MNAT1: variants seen among roughly 807,000 people sequenced by gnomAD.
MNAT1 encodes the protein CDK-activating kinase assembly factor MAT1.
MNAT1 carries 43 observed loss-of-function variants against 42.0 expected under a neutral mutation model. The ratio of observed to expected loss-of-function variants is 1.02; its 90% CI spans 0.80 to 1.32. MNAT1 has a LOEUF of 1.32. MNAT1 is among the 40% of genes most tolerant of loss of function. The pLI, the probability that MNAT1 is intolerant of heterozygous loss-of-function variation, is 0.00. For synonymous variants in MNAT1, 118 were observed against 120.0 expected (o/e 0.98, Z 0.11); for missense variants, 306 against 350.4 (o/e 0.87, Z 1.01).
chr14:60,834,691 A>G (rs1481837418), intron 6 of MNAT1, among the ~76,000 whole-genome samples: 3 of 152,164 alleles, frequency 2.0e-5, no homozygotes, highest in African/African-American at 7.2e-5. Context: ...CTCTAGAGCT[A>G]GTTCAAGTCC....
chr14:60,780,373 C>T (rs2031414207), intron 1 of MNAT1: 4 of 1,574,586 alleles, frequency 2.5e-6, no homozygotes, highest in African/African-American at 2.7e-5. Context: ...GTTCAGTCAT[C>T]AGACAGATCA....
intron 1 of MNAT1, among the ~76,000 whole-genome samples, chr14:60,739,488 T>G (rs1333717707): frequency 1.4e-4 from 21 of 152,056 alleles, no homozygotes; most frequent in Admixed American, 1.4e-3. Flanking sequence ...TATAGGGTTA[T>G]GGAAAAATTA....
intron 6 of MNAT1, among the ~76,000 whole-genome samples, chr14:60,839,845 C>T (rs190495113): frequency 2.6e-4 from 39 of 152,344 alleles, no homozygotes; most frequent in South Asian, 6.2e-4. Flanking sequence ...CCTGGCTGTG[C>T]GCTCTTGCCA....
Position 60,929,164 on chromosome 14 carries a change from A to ATAT in MNAT1, c.810-39065_810-39064insTAT, listed in dbSNP as rs1396036965. On this transcript the variant is annotated intron_variant, in intron 7 of 7. Transcript: ENST00000261245. ...TCCATCTCCCAAAAAAAAAAAAAAA[A>ATAT]AAAAAAATATATATATATATATATA... 3.6e-3 allele frequency among the ~76,000 whole-genome samples: 428 copies of ATAT among 118,952 alleles called. 1 individual carries two copies. The highest frequency in any genetic ancestry group is 0.011 in the African/African-American group (285 of 25,934). The allele number at this position is 118,952 out of a possible 152,430, so 78.0% of individuals were successfully genotyped here.
chr14:60,881,271 G>C (rs1566531919), intron 7 of MNAT1, among the ~76,000 whole-genome samples: 1 of 152,080 alleles, frequency 6.6e-6, no homozygotes, highest in Non-Finnish European at 1.5e-5. Flanking sequence ...TGCAACCTCT[G>C]CCTCCTGGGT....
chr14:60,893,889 CA>C (rs1338624586), intron 7 of MNAT1, among the ~76,000 whole-genome samples: 1 of 152,096 alleles, frequency 6.6e-6, no homozygotes, highest in Admixed American at 6.6e-5. Flanking sequence ...TCTCCTTTTC[CA>C]ACGTTAGTCA....
intron 7 of MNAT1, among the ~76,000 whole-genome samples, chr14:60,901,139 G>C (rs570426245): frequency 4.4e-4 from 65 of 148,754 alleles, no homozygotes; most frequent in Non-Finnish European, 8.6e-4. Flanking sequence ...ATATTTATTT[G>C]CCATTTTGAA....
intron 1 of MNAT1, among the ~76,000 whole-genome samples, chr14:60,769,575 C>T (rs946756599): frequency 9.2e-5 from 14 of 152,116 alleles, no homozygotes; most frequent in African/African-American, 2.9e-4. Context: ...TGAGCCACTG[C>T]ACCTGGCTAA....
intron 6 of MNAT1, among the ~76,000 whole-genome samples, chr14:60,832,944 G>C (rs1268366023): frequency 6.6e-6 from 1 of 152,090 alleles, no homozygotes; most frequent in Admixed American, 6.6e-5. Context: ...TAGCAATTGT[G>C]AATGGGAGTT....
In MNAT1 at chr14:60,753,185, G is replaced by A. The variant is rs113794478; in HGVS notation, c.89+18234G>A. Reference sequence around the variant, plus strand: ...AATTTGGGCATGGCTGAGCTGGGTAGTTTTGGCTCAGGGTGTCTCATGAGA... The same window carrying A: ...AATTTGGGCATGGCTGAGCTGGGTAATTTTGGCTCAGGGTGTCTCATGAGA... On this transcript the variant is annotated intron_variant, in intron 1 of 7. Transcript: ENST00000261245. Among the ~76,000 whole-genome samples the A allele has an allele frequency of 5.3e-4, 81 of 152,354 alleles. 1 individual carries two copies. Among genetic ancestry groups the A allele is most frequent in the African/African-American group, 1.9e-3 (78 of 41,586 alleles).
chr14:60,936,651 G>A (rs2036004187), intron 7 of MNAT1, among the ~76,000 whole-genome samples: 1 of 152,100 alleles, frequency 6.6e-6, no homozygotes, highest in South Asian at 2.1e-4. Flanking sequence ...TTGGTTCCAA[G>A]TCTTTGCTAT....
chr14:60,748,140 T>C (rs2029911669), intron 1 of MNAT1, among the ~76,000 whole-genome samples: 1 of 151,402 alleles, frequency 6.6e-6, no homozygotes, highest in African/African-American at 2.4e-5. Context: ...GAGGTTGCAG[T>C]GAGCTAAAAT....
At chr14:60,808,052 CA>C (rs2032432020) in intron 3 of MNAT1, among the ~76,000 whole-genome samples, 1 of 152,054 alleles carries the variant, frequency 6.6e-6, no homozygotes, top group Non-Finnish European at 1.5e-5. Flanking sequence ...CTATAAAAAT[CA>C]GATCTAAGCA....
chr14:60,892,592 A>G (rs1432643456), intron 7 of MNAT1, among the ~76,000 whole-genome samples: 1 of 152,100 alleles, frequency 6.6e-6, no homozygotes, highest in Non-Finnish European at 1.5e-5. Flanking sequence ...ATTAAGCCAC[A>G]TTTAAAGTTA....
At chr14:60,908,862 G>A (rs2035277879) in intron 7 of MNAT1, among the ~76,000 whole-genome samples, 1 of 152,142 alleles carries the variant, frequency 6.6e-6, no homozygotes. Flanking sequence ...TGGGTCAAAT[G>A]GTATTTCTAG....
chr14:60,827,383 C>T (rs2033084188), intron 6 of MNAT1, among the ~76,000 whole-genome samples: 1 of 152,154 alleles, frequency 6.6e-6, no homozygotes, highest in Admixed American at 6.5e-5. Context: ...TTTCTGAGTG[C>T]AACAGATAGT....
chr14:60,796,814 A>G (rs1275012592), intron 2 of MNAT1, among the ~76,000 whole-genome samples: 1 of 152,166 alleles, frequency 6.6e-6, no homozygotes, highest in Non-Finnish European at 1.5e-5. Flanking sequence ...GAATAGTGCT[A>G]TATAGTTAGT....
intron 7 of MNAT1, among the ~76,000 whole-genome samples, chr14:60,939,114 C>T (rs2036077025): frequency 1.3e-5 from 2 of 151,822 alleles, no homozygotes; most frequent in South Asian, 4.2e-4. Flanking sequence ...CTATTTGATT[C>T]TTCTCTCTTT....
chr14:60,851,675 A>G (rs2033823396), intron 6 of MNAT1, among the ~76,000 whole-genome samples: 1 of 152,212 alleles, frequency 6.6e-6, no homozygotes, highest in East Asian at 1.9e-4. Flanking sequence ...TGCATTAGGT[A>G]TATGTCTTAA....
Sources: allele counts gnomAD v4.1 joint callset (sites outside exome capture counted in the v4.1 genomes callset), GRCh38; gene constraint gnomAD v4.1.1; transcripts MANE v1.5; gene names NCBI Gene and HGNC (gene_info 2026-07-23, HGNC 2026-07-21).